Variants in SCN1A observed in about 807,000 individuals in gnomAD.
The protein encoded by SCN1A is sodium voltage-gated channel alpha subunit 1, also known as sodium channel protein type 1 subunit alpha.
SCN1A carries 13 observed loss-of-function variants against 193.7 expected under a neutral mutation model. The observed-to-expected ratio is 0.07, with a 90% CI of 0.04 to 0.11. SCN1A has a LOEUF of 0.11. SCN1A is among the 10% of genes least tolerant of loss of function. The pLI, the probability that SCN1A is intolerant of heterozygous loss-of-function variation, is 1.00. For missense variants in SCN1A, 1,432 were observed against 2,451.1 expected (o/e 0.58, Z 8.78); for synonymous variants, 781 against 843.6 (o/e 0.93, Z 1.29).
intron 21 of SCN1A, among the ~76,000 whole-genome samples, chr2:166,013,247 T>C (rs1039112632): frequency 9.9e-5 from 15 of 151,568 alleles, no homozygotes; most frequent in Non-Finnish European, 1.9e-4. Flanking sequence ...ATATTTATTG[T>C]TACCAACTTT....
chr2:166,055,477 C>A (rs1471088080), intron 6 of SCN1A, among the ~76,000 whole-genome samples: 1 of 151,824 alleles, frequency 6.6e-6, no homozygotes, highest in African/African-American at 2.4e-5. Context: ...TTATTATTTT[C>A]TTCAAGATGT....
chr2:166,113,275 A>G (rs1689493331), intron 2 of SCN1A, among the ~76,000 whole-genome samples: 1 of 152,154 alleles, frequency 6.6e-6, no homozygotes. Context: ...TGTGGTTAAA[A>G]CAGTAGTACT....
In SCN1A at chr2:166,000,550, G is replaced by A. The variant is rs555526889; in HGVS notation, c.4285-774C>T. ...CTAAAAGGATTATCCCTTAGCTAGTGAGGGAGGTTAGCAAAGCCTTTAGCG... is the reference window on the plus strand; with the variant it reads ...CTAAAAGGATTATCCCTTAGCTAGTAAGGGAGGTTAGCAAAGCCTTTAGCG... On this transcript the variant is annotated intron_variant, in intron 24 of 28. Coordinates refer to ENST00000674923, the MANE Select transcript of SCN1A (RefSeq NM_001165963.4). Among the ~76,000 whole-genome samples the A allele has an allele frequency of 7.4e-4, 113 of 151,808 alleles. 1 individual carries two copies. Among genetic ancestry groups the A allele is most frequent in the African/African-American group, 2.7e-3 (111 of 41,500 alleles).
downstream of SCN1A, chr2:165,985,690 T>C (rs1688567921): frequency 6.6e-6 from 1 of 152,152 alleles, no homozygotes; most frequent in African/African-American, 2.4e-5. Context: ...CTATACTTGA[T>C]TGTCTAGAGT....
intron 2 of SCN1A, among the ~76,000 whole-genome samples, chr2:166,107,752 T>C (rs555003599): frequency 3.9e-5 from 6 of 152,076 alleles, no homozygotes; most frequent in Non-Finnish European, 8.8e-5. Context: ...AAACCAGATA[T>C]CCACATGCAA....
chr2:166,104,405 G>A (rs1287432970), intron 2 of SCN1A: 2 of 152,174 alleles, frequency 1.3e-5, no homozygotes, highest in Non-Finnish European at 2.9e-5. Flanking sequence ...AATCACCTCT[G>A]TGAACCTAGA....
In SCN1A at chr2:166,102,405, A is replaced by C. The variant is rs1688186103; in HGVS notation, c.-142+24519T>G. ...CAGCTACTCAGGAGGCTGAGGCAGG[A>C]GAATGGCGTGAACCCAGGAGGCGGA... On this transcript the variant is annotated intron_variant, in intron 2 of 28. Transcript: ENST00000674923. Among the ~76,000 whole-genome samples the C allele has an allele frequency of 2.6e-5, 4 of 151,522 alleles. No individual in the cohort carries two copies. The South Asian group carries it at 8.4e-4, about 32-fold the overall frequency.
Position 166,009,796 on chromosome 2 carries a change from G to A in SCN1A, c.3925C>T (p.Leu1309Phe), listed in dbSNP as rs121918801. Residue 1309 changes from leucine (L) to phenylalanine (F), a missense_variant, in exon 23 of 29, where the codon CTT becomes TTT. By Grantham distance (22) the Leu-to-Phe change is conservative. Coordinates refer to ENST00000674923, the MANE Select transcript of SCN1A (RefSeq NM_001165963.4). ...LTANALGYSE[L>F]GAIKSLRTLR... Reference sequence around the variant, plus strand: ...GTCCTGAGAGATTTGATGGCTCCAAGTTCTGAGTAACCCAAGGCATTTGCT... The same window carrying A: ...GTCCTGAGAGATTTGATGGCTCCAAATTCTGAGTAACCCAAGGCATTTGCT... 9 of 1,607,184 alleles carry A rather than the reference G, an allele frequency of 5.6e-6. No individual in the cohort carries two copies. The highest frequency in any genetic ancestry group is 7.7e-6 in the Non-Finnish European group (9 of 1,175,270).
intron 19 of SCN1A, among the ~76,000 whole-genome samples, chr2:166,031,036 A>G (rs2105759756): frequency 1.3e-5 from 2 of 152,240 alleles, no homozygotes; most frequent in Non-Finnish European, 1.5e-5. Context: ...CTACTATGGC[A>G]TGAGTCAAGA....
chr2:166,144,064 G>A (rs544390073), intron 1 of SCN1A, among the ~76,000 whole-genome samples: 114 of 152,292 alleles, frequency 7.5e-4, no homozygotes, highest in South Asian at 1.4e-3. Flanking sequence ...TAGCAGTTCC[G>A]AGTTGCAGAC....
intron 2 of SCN1A, among the ~76,000 whole-genome samples, chr2:166,111,690 C>G (rs1023229161): frequency 1.7e-4 from 26 of 152,018 alleles, no homozygotes; most frequent in Non-Finnish European, 3.2e-4. Context: ...TGAAAATCAT[C>G]TGGATAAAAT....
At position 166,012,290 on chromosome 2, in the gene SCN1A, G is replaced by T; in HGVS notation, c.3706-8C>A. The T allele has an allele frequency of 1.3e-6, 2 of 1,598,724 alleles. No individual in the cohort carries two copies. The highest frequency in any genetic ancestry group is 1.7e-6 in the Non-Finnish European group (2 of 1,168,494). ...ATATATATCTTCAAATGCCTATAAA[G>T]AAAATGTTACACATTATTAGCTTTC... On this transcript the variant is annotated splice_polypyrimidine_tract_variant and splice_region_variant and intron_variant, in intron 21 of 28. Transcript: ENST00000674923.
At chr2:166,042,150 A>G in intron 15 of SCN1A, 142 bp downstream of exon 15, 2 of 752,350 alleles carry the variant, frequency 2.7e-6, no homozygotes, top group Non-Finnish European at 4.3e-6. Context: ...ATATCTGAGT[A>G]GATATAAGAA....
intron 2 of SCN1A, among the ~76,000 whole-genome samples, chr2:166,106,848 G>T (rs1198333806): frequency 6.6e-6 from 1 of 152,036 alleles, no homozygotes; most frequent in Non-Finnish European, 1.5e-5. Flanking sequence ...ACCCTTCACT[G>T]CCCTCTACTG....
At chr2:166,102,497 T>G (rs1459017744) in intron 2 of SCN1A, among the ~76,000 whole-genome samples, 1 of 102,536 alleles carries the variant, frequency 9.8e-6, no homozygotes, top group African/African-American at 3.7e-5. Context: ...TAAGATTACA[T>G]CTCAAAAAAA....
chr2:166,067,326 A>G (rs1348225160), intron 4 of SCN1A, among the ~76,000 whole-genome samples: 2 of 152,182 alleles, frequency 1.3e-5, no homozygotes, highest in Non-Finnish European at 2.9e-5. Context: ...TTACAAAGGC[A>G]GGAAATGGCC....
intron 1 of SCN1A, among the ~76,000 whole-genome samples, chr2:166,144,333 C>T (rs2212656): frequency 3.3e-5 from 5 of 151,998 alleles, no homozygotes; most frequent in African/African-American, 9.7e-5. Context: ...GCTGGGTCAT[C>T]AGTGTGGTAC....
intron 2 of SCN1A, among the ~76,000 whole-genome samples, chr2:166,108,858 G>C (rs1415374291): frequency 6.6e-6 from 1 of 152,106 alleles, no homozygotes; most frequent in Non-Finnish European, 1.5e-5. Context: ...CAATGGAAAT[G>C]TTCTAAAATG....
chr2:166,032,666 A>G (rs1039954471), intron 19 of SCN1A, among the ~76,000 whole-genome samples: 5 of 152,178 alleles, frequency 3.3e-5, no homozygotes, highest in Admixed American at 6.6e-5. Context: ...AATGAATAAA[A>G]GAAATTGAAA....
Sources: gnomAD v4.1 joint callset for allele counts (sites outside exome capture counted in the v4.1 genomes callset) on GRCh38, gnomAD v4.1.1 for gene constraint, MANE v1.5 for transcripts, NCBI Gene and HGNC (gene_info 2026-07-23, HGNC 2026-07-21) for gene names.